PLPP2: variants seen among roughly 807,000 people sequenced by gnomAD.
PLPP2 encodes the protein PAP2-gamma.
PLPP2 carries 29 observed loss-of-function variants against 35.2 expected under a neutral mutation model. The observed-to-expected ratio is 0.82, with a 90% confidence interval of 0.61 to 1.12. The LOEUF (loss-of-function observed/expected upper bound fraction) is 1.12. Ranked by LOEUF, PLPP2 falls within the 50% of genes most tolerant of loss-of-function variation. The probability of loss-of-function intolerance (pLI) is 0.00; values close to 1 mark genes in which losing one functional copy is unlikely to be tolerated. For synonymous variants in PLPP2, 162 were observed against 167.0 expected, an observed-to-expected ratio of 0.97 and a Z score of 0.23; for missense variants, 353 against 375.2, an observed-to-expected ratio of 0.94 and a Z score of 0.49.
Position 282,209 on chromosome 19 carries a change from G to C in PLPP2, c.642C>G (p.Arg214=). Residue 214 remains arginine, a synonymous_variant, in exon 5 of 6, where the codon CGC becomes CGG. Transcript: ENST00000434325. The stretch of plus-strand genomic sequence containing the variant: ...TCCAGTGGTGTTTGTAATCAGACAC[G>C]CGGGTGTAGCCCACGTAGAGGGCAA... The part of the protein sequence containing the change: ...VAFALYVGYT[R]VSDYKHHWSD... 1 of 1,613,862 alleles carries C rather than the reference G, an allele frequency of 6.2e-7. No homozygotes were observed. Among genetic ancestry groups the C allele is most frequent in the Non-Finnish European group, 8.5e-7 (1 of 1,179,884 alleles).
At chr19:289,404 C>G (rs1216718151) in intron 1 of PLPP2, among the ~76,000 whole-genome samples, 1 of 152,214 alleles carries the variant, frequency 6.6e-6, no homozygotes, top group Admixed American at 6.5e-5. Flanking sequence ...AGAGGCCTGC[C>G]TCACCGAGCA....
Position 281,151 on chromosome 19 carries a change from G to T in PLPP2, c.*237C>A, listed in dbSNP as rs537029394. ...CTTCCTTAACCCCATAAAAAGAAGG[G>T]GATATTTGGGGACCGACGGGAACAG... On this transcript the variant is annotated 3_prime_UTR_variant, in exon 6 of 6. Coordinates refer to ENST00000434325, the MANE Select transcript of PLPP2 (RefSeq NM_003712.4). 2.6e-6 allele frequency: 1 copy of T among 385,460 alleles called. No homozygotes were observed. Among genetic ancestry groups the T allele is most frequent in the African/African-American group, 2.1e-5 (1 of 48,332 alleles). The allele number at this position is 385,460 out of a possible 1,614,324, so 23.9% of individuals were successfully genotyped here. A position where few individuals can be genotyped will look rare whatever the true frequency, so the allele number is the denominator to read the frequency against.
At chr19:283,806 C>G (rs1970224083) in intron 3 of PLPP2, 2 of 152,170 alleles carry the variant, frequency 1.3e-5, no homozygotes, top group African/African-American at 4.8e-5. Flanking sequence ...ACAGACCCTT[C>G]TACAAACTCT....
chr19:284,342 C>G (rs547309967), intron 3 of PLPP2: 1 of 117,856 alleles, frequency 8.5e-6, no homozygotes, highest in South Asian at 2.5e-4. Context: ...TAGGGTGAGA[C>G]TCTGTCTCAA....
In PLPP2 at chr19:281,163, AC is replaced by A. The variant is rs937151063; in HGVS notation, c.*224del. On this transcript the variant is annotated 3_prime_UTR_variant, in exon 6 of 6. Transcript: ENST00000434325. The stretch of plus-strand genomic sequence containing the variant: ...CATAAAAAGAAGGGGATATTTGGGG[AC>A]CGACGGGAACAGGTTCCCCTCCAAA... The A allele has an allele frequency of 1.3e-5, 5 of 395,702 alleles. No homozygotes were observed. The highest frequency in any genetic ancestry group is 8.2e-5 in the African/African-American group (4 of 48,586). 24.5% of individuals were successfully genotyped at this position (395,702 alleles called of 1,614,324 possible).
rs1277352167 is a variant in PLPP2, at chr19:291,291, G to GT, written c.45dup (p.Leu16ThrfsTer26). ...GGGTCCCCAAGGCTCTTACCGACCA[G>GT]TAAGCACAGCACGTCGAGCAGCACG... On this transcript the variant is annotated frameshift_variant, in exon 1 of 6. Transcript: ENST00000434325. LOFTEE classifies it high-confidence loss of function. The GT allele has an allele frequency of 1.2e-6, 2 of 1,601,830 alleles. No homozygotes were observed. Among genetic ancestry groups the GT allele is most frequent in the Admixed American group, 3.4e-5 (2 of 59,120 alleles).
At chr19:284,501 T>C (rs186028068) in intron 3 of PLPP2, 1 of 152,350 alleles carries the variant, frequency 6.6e-6, no homozygotes, top group East Asian at 1.9e-4. Flanking sequence ...CTTGAACTTC[T>C]GGGCTCCAGC....
Position 291,309 on chromosome 19 carries a change from G to C in PLPP2, c.28C>G (p.Leu10Val), listed in dbSNP as rs1970385677. 6.2e-7 allele frequency: 1 copy of C among 1,600,848 alleles called. No homozygotes were observed. The highest frequency in any genetic ancestry group is 8.5e-7 in the Non-Finnish European group (1 of 1,174,898). Residue 10 changes from leucine (L) to valine (V), a missense_variant, in exon 1 of 6, where the codon CTC becomes GTC. Transcript: ENST00000434325. MQRRWVFVL[L>V]DVLCLLVASL... ...CCGACCAGTAAGCACAGCACGTCGA[G>C]CAGCACGAAGACCCACCTCCGCTGC...
At chr19:291,016 C>G (rs745351881) in intron 1 of PLPP2, 6 of 1,279,054 alleles carry the variant, frequency 4.7e-6, no homozygotes, top group Admixed American at 8.4e-5. Flanking sequence ...CTTCCTGCTG[C>G]CGGGGCGGGG....
intron 5 of PLPP2, among the ~76,000 whole-genome samples, chr19:281,756 G>A (rs1970177477): frequency 6.7e-6 from 1 of 149,962 alleles, no homozygotes; most frequent in African/African-American, 2.5e-5. Flanking sequence ...CTGCAGTAGG[G>A]CCAGGGGTCC....
Position 281,271 on chromosome 19 carries a change from A to G in PLPP2, c.*117T>C. The G allele has an allele frequency of 1.9e-6, 2 of 1,040,872 alleles. No homozygotes were observed. Among genetic ancestry groups the G allele is most frequent in the South Asian group, 4.5e-5 (1 of 22,160 alleles). The allele number at this position is 1,040,872 out of a possible 1,614,324, so 64.5% of individuals were successfully genotyped here. On this transcript the variant is annotated 3_prime_UTR_variant, in exon 6 of 6. Coordinates refer to ENST00000434325, the MANE Select transcript of PLPP2 (RefSeq NM_003712.4). ...GCGGAGCCCGCTCACTGCTCCCATC[A>G]GCCCAGGGTTCCTGGAGCCCGTCCA...
At chr19:281,641 G>A (rs1251440605) in intron 5 of PLPP2, 104 bp from the exon 6 acceptor site, 3 of 1,101,544 alleles carry the variant, frequency 2.7e-6, no homozygotes, top group African/African-American at 3.2e-5. Context: ...TGGGAGCGAG[G>A]GGCCTAGGTG....
chr19:282,946 G>A (rs1970210167), intron 3 of PLPP2, 137 bp from the exon 4 acceptor site: 2 of 728,916 alleles, frequency 2.7e-6, no homozygotes, highest in African/African-American at 3.5e-5. Flanking sequence ...AGCAGAAACT[G>A]TTCCCCTTTT....
Position 288,043 on chromosome 19 carries a change from T to C in PLPP2, c.181A>G (p.Thr61Ala), listed in dbSNP as rs1600083965. 3 of 1,612,930 alleles carry C rather than the reference T, an allele frequency of 1.9e-6. No individual in the cohort carries two copies. Among genetic ancestry groups the C allele is most frequent in the Middle Eastern group, 1.7e-4 (1 of 6,058 alleles). Residue 61 changes from threonine (T) to alanine (A), a missense_variant, in exon 2 of 6, where the codon ACC becomes GCC. Physicochemically the swap from Thr to Ala is moderately conservative, Grantham distance 58. Coordinates refer to ENST00000434325, the MANE Select transcript of PLPP2 (RefSeq NM_003712.4). The stretch of plus-strand genomic sequence containing the variant: ...ACAAGGATGACGGTGGCCGTGATGG[T>C]GACCCCAGCCATGAGCCCGTGGGTG... ...TITHGLMAGV[T>A]ITATVILVSA...
intron 4 of PLPP2, 126 bp from the exon 5 acceptor site, chr19:282,436 T>C (rs1970197234): frequency 2.0e-6 from 1 of 501,020 alleles, no homozygotes; most frequent in Non-Finnish European, 3.3e-6. Flanking sequence ...TGTTAGCCTG[T>C]GCACCTGCCA....
At chr19:289,040 G>A (rs965631734) in intron 1 of PLPP2, among the ~76,000 whole-genome samples, 3 of 152,202 alleles carry the variant, frequency 2.0e-5, no homozygotes, top group Non-Finnish European at 2.9e-5. Flanking sequence ...CCTGGCCTCA[G>A]GGATCAAAGA....
At chr19:281,608 AG>A in intron 5 of PLPP2, 71 bp from the exon 6 acceptor site, 1 of 1,334,770 alleles carries the variant, frequency 7.5e-7, no homozygotes, top group Non-Finnish European at 9.9e-7. Flanking sequence ...CATGAGCAGG[AG>A]GGGGAGGAAC....
intron 3 of PLPP2, chr19:285,773 G>C (rs974620082): frequency 3.3e-5 from 5 of 152,022 alleles, no homozygotes; most frequent in African/African-American, 1.2e-4. Context: ...GACCAGCCTG[G>C]CCAACATGAT....
chr19:288,800 G>T lies in PLPP2; in HGVS notation c.53-629C>A, dbSNP rs115616795. ...ATTGATTTCCCCCCATCCACCCACC[G>T]GCACCAGGAGGGGCCTACCGTATTC... On this transcript the variant is annotated intron_variant, in intron 1 of 5. Transcript: ENST00000434325. 2.6e-5 allele frequency among the ~76,000 whole-genome samples: 4 copies of T among 152,152 alleles called. No homozygotes were observed. In the East Asian group the frequency reaches 5.8e-4, roughly 22 times the overall value.
Sources: allele counts gnomAD v4.1 joint callset (sites outside exome capture counted in the v4.1 genomes callset), GRCh38; gene constraint gnomAD v4.1.1; transcripts MANE v1.5; gene names NCBI Gene and HGNC (gene_info 2026-07-23, HGNC 2026-07-21).